Variants in DLC1 observed in about 807,000 individuals in gnomAD.
DLC1 encodes rho GTPase-activating protein 7.
A neutral mutation model predicts 140.3 loss-of-function variants in DLC1; 54 were observed. The observed-to-expected ratio is 0.38, with a 90% CI of 0.31 to 0.48. DLC1 has a LOEUF of 0.48. Among genes scored for constraint, DLC1 ranks in the 20% least tolerant of loss-of-function variants. The pLI is 0.96. For synonymous variants in DLC1, 986 were observed against 728.1 expected, an observed-to-expected ratio of 1.35 and a Z score of -5.70; for missense variants, 2,536 against 1,907.0, an observed-to-expected ratio of 1.33 and a Z score of -6.14.
chr8:13,499,113 T>G lies in DLC1; in HGVS notation c.959A>C (p.Gln320Pro). Residue 320 changes from glutamine (Q) to proline (P), a missense_variant, in exon 2 of 18, where the codon CAA becomes CCA. By Grantham distance (76) the Gln-to-Pro change is moderately conservative (BLOSUM62 -1). Coordinates refer to ENST00000276297, the MANE Select transcript of DLC1 (RefSeq NM_182643.3). ...VKAEDGMQCL[Q>P]LKETLATQEP... ...CTGGGTGGCCAGGGTCTCCTTTAATTGTAAACACTGCATGCCATCTTCTGC... is the reference window on the plus strand; with the variant it reads ...CTGGGTGGCCAGGGTCTCCTTTAATGGTAAACACTGCATGCCATCTTCTGC... The G allele has an allele frequency of 6.2e-7, 1 of 1,614,164 alleles. No individual in the cohort carries two copies. Among genetic ancestry groups the G allele is most frequent in the Non-Finnish European group, 8.5e-7 (1 of 1,179,992 alleles).
chr8:13,537,231 G>C (rs1803313027), intron 1 of DLC1, among the ~76,000 whole-genome samples: 2 of 152,142 alleles, frequency 1.3e-5, no homozygotes. Flanking sequence ...TAAAATCTCT[G>C]TGTGTCTATT....
intron 4 of DLC1, among the ~76,000 whole-genome samples, chr8:13,346,460 G>A (rs1834344288): frequency 6.6e-6 from 1 of 152,234 alleles, no homozygotes; most frequent in South Asian, 2.1e-4. Flanking sequence ...TTGGAACTCT[G>A]AAATCATTTT....
intron 5 of DLC1, among the ~76,000 whole-genome samples, chr8:13,154,609 C>T (rs1018608472): frequency 3.9e-5 from 6 of 152,198 alleles, no homozygotes; most frequent in African/African-American, 1.4e-4. Context: ...GCAGAGGGAG[C>T]TGGCTCTGGT....
At chr8:13,293,259 A>C (rs1048137262) in intron 5 of DLC1, among the ~76,000 whole-genome samples, 1 of 152,216 alleles carries the variant, frequency 6.6e-6, no homozygotes, top group African/African-American at 2.4e-5. Flanking sequence ...AAAATGAATT[A>C]ATAGCCAAAT....
At chr8:13,095,029 AAGCT>A (rs1458669142) in intron 11 of DLC1, 53 bp downstream of exon 11, 1 of 1,613,374 alleles carries the variant, frequency 6.2e-7, no homozygotes, top group Non-Finnish European at 8.5e-7. Flanking sequence ...CAACTAGAAG[AAGCT>A]GCATGTAATC....
intron 17 of DLC1, 125 bp from the exon 18 acceptor site, chr8:13,086,056 A>G: frequency 1.4e-6 from 2 of 1,441,702 alleles, no homozygotes; most frequent in South Asian, 2.9e-5. Flanking sequence ...CTTTGAATTC[A>G]TGGCCGAGCT....
intron 5 of DLC1, among the ~76,000 whole-genome samples, chr8:13,274,380 C>T (rs1225903545): frequency 6.6e-6 from 1 of 152,192 alleles, no homozygotes; most frequent in Non-Finnish European, 1.5e-5. Context: ...GGATTCTCTA[C>T]TGTGTGAGTT....
chr8:13,096,867 G>A (rs565710033), intron 10 of DLC1, among the ~76,000 whole-genome samples: 20 of 152,284 alleles, frequency 1.3e-4, no homozygotes, highest in African/African-American at 3.4e-4. Flanking sequence ...GGTAGTGTGC[G>A]ACTGGATAAT....
At chr8:13,133,857 A>C (rs3808601) in intron 5 of DLC1, among the ~76,000 whole-genome samples, 68,294 of 151,890 alleles carry the variant, frequency 0.45, 15,754 homozygotes, top group Admixed American at 0.55. Flanking sequence ...TGTAAAAACG[A>C]GCGAAGGGTA....
rs561597944 is a variant in DLC1 at position 13,100,519 on chromosome 8, G to C, written c.1818C>G (p.His606Gln). The change falls in exon 9 of 18, where the codon CAC (histidine) becomes CAG (glutamine). Residue 606 changes from histidine (H) to glutamine (Q), a missense_variant. Transcript: ENST00000276297. ...SLSSTGSLPS[H>Q]APPSEDAATP... ...TGGCAGCATCCTCGCTGGGGGGCGCGTGGCTGGGGAGGCTGCCAGTGCTGC... is the reference window on the plus strand; with the variant it reads ...TGGCAGCATCCTCGCTGGGGGGCGCCTGGCTGGGGAGGCTGCCAGTGCTGC... The C allele has an allele frequency of 4.5e-5, 73 of 1,612,490 alleles. No homozygotes were observed. Among genetic ancestry groups the C allele is most frequent in the Non-Finnish European group, 5.5e-5 (65 of 1,179,904 alleles).
intron 1 of DLC1, among the ~76,000 whole-genome samples, chr8:13,582,918 A>G (rs1324164316): frequency 4.7e-5 from 6 of 127,970 alleles, no homozygotes; most frequent in East Asian, 4.7e-4. Context: ...ATATATATAT[A>G]TGTGGTGTAA....
chr8:13,222,367 GTGTT>G (rs1828599458), intron 5 of DLC1, among the ~76,000 whole-genome samples: 1 of 152,156 alleles, frequency 6.6e-6, no homozygotes, highest in Admixed American at 6.5e-5. Flanking sequence ...TCTGCTAAAA[GTGTT>G]TGAGACATTA....
chr8:13,363,368 AGT>A (rs1554505400), intron 4 of DLC1, among the ~76,000 whole-genome samples: 1 of 102,124 alleles, frequency 9.8e-6, no homozygotes, highest in African/African-American at 3.9e-5. Context: ...AAGCATTTGC[AGT>A]GTTTTTTTTT....
At chr8:13,262,611 G>C (rs1307339457) in intron 5 of DLC1, among the ~76,000 whole-genome samples, 1 of 152,156 alleles carries the variant, frequency 6.6e-6, no homozygotes, top group African/African-American at 2.4e-5. Flanking sequence ...TCAGGCAGGA[G>C]TGCAGTGGCA....
chr8:13,591,001 A>G (rs1805497241), intron 1 of DLC1, among the ~76,000 whole-genome samples: 2 of 152,080 alleles, frequency 1.3e-5, no homozygotes, highest in Non-Finnish European at 2.9e-5. Flanking sequence ...CAGCAATAAC[A>G]TGGAGGTACT....
chr8:13,223,854 T>C (rs780794027), intron 5 of DLC1, among the ~76,000 whole-genome samples: 23 of 152,180 alleles, frequency 1.5e-4, no homozygotes, highest in Non-Finnish European at 3.1e-4. Context: ...GTTAATATGT[T>C]TCACTAAAAG....
At chr8:13,384,796 T>C (rs1036408072) in intron 4 of DLC1, among the ~76,000 whole-genome samples, 4 of 152,250 alleles carry the variant, frequency 2.6e-5, no homozygotes, top group African/African-American at 9.6e-5. Context: ...CAGTCCAGGG[T>C]TCAGAACTCA....
At chr8:13,344,225 G>T (rs905232844) in intron 4 of DLC1, among the ~76,000 whole-genome samples, 3 of 152,184 alleles carry the variant, frequency 2.0e-5, no homozygotes, top group African/African-American at 7.2e-5. Flanking sequence ...TGGCCGTGGT[G>T]GTTCATACCT....
At chr8:13,453,515 CATATATATATATGTATATATATACAT>C (rs1799240396) in intron 2 of DLC1, among the ~76,000 whole-genome samples, 1 of 23,312 alleles carries the variant, frequency 4.3e-5, no homozygotes, top group African/African-American at 2.7e-4. Flanking sequence ...TATATATATA[CATATATATATATGTATATATATACAT>C]ATATATATAT....
Sources: allele counts gnomAD v4.1 joint callset (sites outside exome capture counted in the v4.1 genomes callset), GRCh38; gene constraint gnomAD v4.1.1; transcripts MANE v1.5; gene names NCBI Gene and HGNC (gene_info 2026-07-23, HGNC 2026-07-21).